The following SYT2 variants were observed in gnomAD, a reference collection of about 807,000 sequenced individuals.
The protein encoded by SYT2 is synaptotagmin 2, also known as synaptotagmin-2.
In SYT2, 15 loss-of-function variants were observed where a neutral mutation model predicts 39.9. That is an observed-to-expected ratio of 0.38 (90% CI 0.25 to 0.58). The LOEUF (loss-of-function observed/expected upper bound fraction) is 0.58. Among genes scored for constraint, SYT2 ranks in the 20% least tolerant of loss-of-function variants. SYT2 has a pLI of 0.70. For synonymous variants in SYT2, 181 were observed against 204.5 expected, an observed-to-expected ratio of 0.89 and a Z score of 0.98; for missense variants, 389 against 530.3, an observed-to-expected ratio of 0.73 and a Z score of 2.62.
In SYT2 at chr1:202,602,065, G is replaced by A. The variant is rs1161592818; in HGVS notation, c.634-8C>T. The A allele has an allele frequency of 4.3e-6, 7 of 1,613,726 alleles. No individual in the cohort carries two copies. The East Asian group carries it at 1.3e-4, about 31-fold the overall frequency. On this transcript the variant is annotated splice_polypyrimidine_tract_variant and splice_region_variant and intron_variant, in intron 5 of 8. Coordinates refer to ENST00000367268, the MANE Select transcript of SYT2 (RefSeq NM_177402.5). ...AAGCTCCTGGTATGGCACCTGCAGGGCACAAGCAGAATCAGAGGGGGCCAG... is the reference window on the plus strand; with the variant it reads ...AAGCTCCTGGTATGGCACCTGCAGGACACAAGCAGAATCAGAGGGGGCCAG...
chr1:202,701,425 C>G (rs903479802), intron 1 of SYT2, among the ~76,000 whole-genome samples: 2 of 152,178 alleles, frequency 1.3e-5, no homozygotes, highest in Non-Finnish European at 1.5e-5. Flanking sequence ...AGCAGAAGTG[C>G]TTTATGTGTA....
intron 1 of SYT2, among the ~76,000 whole-genome samples, chr1:202,627,941 C>T (rs1691465785): frequency 6.6e-6 from 1 of 152,116 alleles, no homozygotes; most frequent in African/African-American, 2.4e-5. Flanking sequence ...ATCAGCTTGC[C>T]CAGGGCCTCC....
intron 1 of SYT2, among the ~76,000 whole-genome samples, chr1:202,619,811 T>C (rs531909181): frequency 1.6e-4 from 25 of 152,290 alleles, no homozygotes; most frequent in Non-Finnish European, 2.8e-4. Context: ...CAGGAGGACA[T>C]TGGTGGCAAC....
intron 1 of SYT2, among the ~76,000 whole-genome samples, chr1:202,651,698 T>C (rs1692196972): frequency 6.6e-6 from 1 of 152,222 alleles, no homozygotes; most frequent in Non-Finnish European, 1.5e-5. Context: ...TTCTTTTTCC[T>C]AAAGCCTTCA....
intron 1 of SYT2, among the ~76,000 whole-genome samples, chr1:202,618,104 G>A (rs913617062): frequency 1.3e-5 from 2 of 152,162 alleles, no homozygotes; most frequent in African/African-American, 4.8e-5. Flanking sequence ...GTTTCACCAT[G>A]TTGGCCAGGC....
chr1:202,647,100 A>T (rs1029647146), intron 1 of SYT2, among the ~76,000 whole-genome samples: 2 of 151,826 alleles, frequency 1.3e-5, no homozygotes, highest in African/African-American at 4.8e-5. Flanking sequence ...GGTTGGGGAG[A>T]CCTTACCCTC....
intron 1 of SYT2, among the ~76,000 whole-genome samples, chr1:202,693,111 CCTA>C (rs1376467388): frequency 5.9e-5 from 9 of 152,154 alleles, no homozygotes; most frequent in African/African-American, 1.7e-4. Context: ...AGCTTTTGAC[CCTA>C]CTGTCTGTGA....
chr1:202,693,468 G>A (rs1653896675), intron 1 of SYT2, among the ~76,000 whole-genome samples: 1 of 152,200 alleles, frequency 6.6e-6, no homozygotes, highest in African/African-American at 2.4e-5. Context: ...TTTCAGAGAA[G>A]CTGAGTATGA....
At chr1:202,707,448 C>G (rs543323156) in intron 1 of SYT2, among the ~76,000 whole-genome samples, 1 of 152,138 alleles carries the variant, frequency 6.6e-6, no homozygotes, top group East Asian at 1.9e-4. Context: ...CCACCCTGGA[C>G]CTTCAGTGGT....
At position 202,605,651 on chromosome 1, in the gene SYT2, T is replaced by C. The variant is rs144131984; in HGVS notation, c.122A>G (p.Glu41Gly). 229 of 1,613,852 alleles carry C rather than the reference T, an allele frequency of 1.4e-4. No individual in the cohort carries two copies. The highest frequency in any genetic ancestry group is 1.9e-4 in the Non-Finnish European group (223 of 1,179,864). Residue 41 changes from glutamate to glycine, a missense_variant, in exon 2 of 9, where the codon GAG (glutamate) becomes GGG (glycine). This residue lies in a region of SYT2 where 280 missense variants were observed against 335.6 expected (regional missense o/e 0.83). Transcript: ENST00000367268. ...CTCCTTCAGTTTGGCAAACATGTCCTCCTGGCTCTCCCCAGCACCCCCACT... is the reference window on the plus strand; with the variant it reads ...CTCCTTCAGTTTGGCAAACATGTCCCCCTGGCTCTCCCCAGCACCCCCACT... ...TESGGAGESQ[E>G]DMFAKLKEKL...
intron 1 of SYT2, among the ~76,000 whole-genome samples, chr1:202,637,484 G>A (rs1411062198): frequency 6.6e-6 from 1 of 152,248 alleles, no homozygotes; most frequent in Non-Finnish European, 1.5e-5. Flanking sequence ...TCTCACCCAG[G>A]CGCCATGTGC....
intron 1 of SYT2, among the ~76,000 whole-genome samples, chr1:202,689,643 G>C (rs1327135621): frequency 2.0e-5 from 3 of 152,058 alleles, no homozygotes; most frequent in Non-Finnish European, 4.4e-5. Context: ...GTTATTTTGA[G>C]TGTCCAGGGG....
At chr1:202,598,678 C>G (rs184413130) in intron 8 of SYT2, among the ~76,000 whole-genome samples, 1 of 152,188 alleles carries the variant, frequency 6.6e-6, no homozygotes, top group African/African-American at 2.4e-5. Context: ...AGATCCCACT[C>G]ATACCTGGAA....
At chr1:202,648,189 T>A (rs1692126067) in intron 1 of SYT2, among the ~76,000 whole-genome samples, 1 of 152,232 alleles carries the variant, frequency 6.6e-6, no homozygotes, top group African/African-American at 2.4e-5. Flanking sequence ...GTTTTGTTTG[T>A]CTGCTTATTT....
intron 1 of SYT2, among the ~76,000 whole-genome samples, chr1:202,629,408 A>G (rs1014489166): frequency 6.6e-6 from 1 of 152,162 alleles, no homozygotes; most frequent in Non-Finnish European, 1.5e-5. Flanking sequence ...AGTGGCTGCT[A>G]AGTCTCTATT....
intron 1 of SYT2, among the ~76,000 whole-genome samples, chr1:202,654,790 G>T (rs1163054479): frequency 2.6e-5 from 4 of 152,186 alleles, no homozygotes; most frequent in Admixed American, 6.5e-5. Context: ...AGGCTTGAAG[G>T]CTGGGCCAAA....
At position 202,684,734 on chromosome 1, in the gene SYT2, T is replaced by G. The variant is rs143583235; in HGVS notation, c.-18+25524A>C. On this transcript the variant is annotated intron_variant, in intron 1 of 8. Coordinates refer to ENST00000367268, the MANE Select transcript of SYT2 (RefSeq NM_177402.5). The stretch of plus-strand genomic sequence containing the variant: ...GGTTTCAGTTGGTTAGTGAGTTACT[T>G]CCTTTGGCCCCTTTATTCTGACTTA... Among the ~76,000 whole-genome samples, 470 of 152,270 alleles carry G rather than the reference T, an allele frequency of 3.1e-3. 3 individuals carry two copies. Among genetic ancestry groups the G allele is most frequent in the African/African-American group, 0.011 (450 of 41,552 alleles).
intron 1 of SYT2, among the ~76,000 whole-genome samples, chr1:202,691,728 G>GAGA (rs1558463394): frequency 2.8e-4 from 4 of 14,252 alleles, no homozygotes; most frequent in African/African-American, 7.0e-4. Context: ...AGAGGGAGAG[G>GAGA]GGGGGAGAGA....
chr1:202,680,003 C>T (rs1046153536), intron 1 of SYT2, among the ~76,000 whole-genome samples: 16 of 152,210 alleles, frequency 1.1e-4, no homozygotes, highest in African/African-American at 3.9e-4. Flanking sequence ...CTCTGGAAGA[C>T]CAGTTCTTAG....
Sources: gnomAD v4.1 joint callset for allele counts (sites outside exome capture counted in the v4.1 genomes callset) on GRCh38, gnomAD v4.1.1 for gene constraint, gnomAD v4.1.1 regional missense constraint, MANE v1.5 for transcripts, NCBI Gene and HGNC (gene_info 2026-07-23, HGNC 2026-07-21) for gene names.